NT5M: variants seen among roughly 807,000 people sequenced by gnomAD.
The protein encoded by NT5M is 5'(3')-deoxyribonucleotidase, mitochondrial.
NT5M carries 22 observed loss-of-function variants against 22.2 expected under a neutral mutation model. The observed-to-expected ratio is 0.99, with a 90% CI of 0.71 to 1.41. NT5M has a LOEUF of 1.41. Among genes scored for constraint, NT5M ranks in the 40% most tolerant of loss-of-function variants. The pLI, the probability that NT5M is intolerant of heterozygous loss-of-function variation, is 0.00. For missense variants in NT5M, 322 were observed against 314.8 expected (o/e 1.02, Z -0.17); for synonymous variants, 167 against 133.0 (o/e 1.26, Z -1.76).
At position 17,308,459 on chromosome 17, in the gene NT5M, G is replaced by A. The variant is rs566144071; in HGVS notation, c.368+1816G>A. On this transcript the variant is annotated intron_variant, in intron 2 of 4. Coordinates refer to ENST00000389022, the MANE Select transcript of NT5M (RefSeq NM_020201.4). ...ATACAAAAATTAGCTGGGCGTGGGGGCGGGTGCCTGTAATCCCAGCTACTC... is the reference window on the plus strand; with the variant it reads ...ATACAAAAATTAGCTGGGCGTGGGGACGGGTGCCTGTAATCCCAGCTACTC... Among the ~76,000 whole-genome samples, 146 of 152,164 alleles carry A rather than the reference G, an allele frequency of 9.6e-4. 1 individual carries two copies. The highest frequency in any genetic ancestry group is 3.5e-3 in the African/African-American group (145 of 41,510).
chr17:17,328,203 A>G (rs531540957), intron 3 of NT5M, among the ~76,000 whole-genome samples: 2 of 152,270 alleles, frequency 1.3e-5, no homozygotes, highest in Non-Finnish European at 2.9e-5. Context: ...GAACAAACAC[A>G]TGAAGACAGG....
In NT5M at chr17:17,303,804, G is replaced by A. The variant is rs1397823646; in HGVS notation, c.254G>A (p.Arg85Gln). Reference sequence around the variant, plus strand: ...GTGTCGGAGCAGTACGGCCGCCTGCGGCCAGGGCTGAGCGTGAGCGTCCCC... The same window carrying A: ...GTGTCGGAGCAGTACGGCCGCCTGCAGCCAGGGCTGAGCGTGAGCGTCCCC... Reference protein sequence around the residue: ...FWVSEQYGRLRPGLSEKAISI... With the variant: ...FWVSEQYGRLQPGLSEKAISI... The change falls in exon 1 of 5, where the codon CGG becomes CAG. Residue 85 changes from arginine to glutamine, a missense_variant. Physicochemically the swap from Arg to Gln is conservative, Grantham distance 43. Transcript: ENST00000389022. 5.9e-6 allele frequency: 9 copies of A among 1,521,756 alleles called. No individual in the cohort carries two copies. The South Asian group carries it at 1.1e-4, about 18-fold the overall frequency. The allele number at this position is 1,521,756 out of a possible 1,614,324, so 94.3% of individuals were successfully genotyped here. A position where few individuals can be genotyped will look rare whatever the true frequency, so the allele number is the denominator to read the frequency against.
chr17:17,303,871 G>A, intron 1 of NT5M, 54 bp downstream of exon 1: 1 of 1,328,230 alleles, frequency 7.5e-7, no homozygotes, highest in Non-Finnish European at 9.7e-7. Context: ...CCGAGCCCCA[G>A]ACACCGCCCC....
At chr17:17,322,695 G>A (rs940073144) in intron 2 of NT5M, among the ~76,000 whole-genome samples, 8 of 112,838 alleles carry the variant, frequency 7.1e-5, no homozygotes, top group East Asian at 3.2e-4. Context: ...GCATGAGGGC[G>A]CAGGCACCTG....
At chr17:17,312,834 A>G (rs887415503) in intron 2 of NT5M, among the ~76,000 whole-genome samples, 1 of 151,898 alleles carries the variant, frequency 6.6e-6, no homozygotes, top group African/African-American at 2.4e-5. Flanking sequence ...GAAGCCAGGC[A>G]TGCTGACCTG....
intron 2 of NT5M, among the ~76,000 whole-genome samples, chr17:17,307,359 C>T (rs887717242): frequency 7.9e-5 from 12 of 152,262 alleles, no homozygotes; most frequent in African/African-American, 2.9e-4. Flanking sequence ...CACGGTGGCT[C>T]ACGCCTGTAA....
At chr17:17,309,848 G>A (rs1469288517) in intron 2 of NT5M, among the ~76,000 whole-genome samples, 16 of 146,680 alleles carry the variant, frequency 1.1e-4, no homozygotes, top group East Asian at 9.9e-4. Context: ...TTTTTGAGAC[G>A]GAGTCTCACT....
chr17:17,309,282 C>A (rs1235749056), intron 2 of NT5M, among the ~76,000 whole-genome samples: 2 of 152,036 alleles, frequency 1.3e-5, no homozygotes, highest in Non-Finnish European at 2.9e-5. Context: ...CACACTACTA[C>A]ACCCAGCTAA....
intron 2 of NT5M, among the ~76,000 whole-genome samples, chr17:17,316,213 A>G (rs1381550615): frequency 1.3e-5 from 2 of 151,802 alleles, no homozygotes; most frequent in African/African-American, 4.9e-5. Context: ...GTTCGCCAAC[A>G]TGCCTGGCTA....
At chr17:17,304,787 C>T (rs1429126889) in intron 1 of NT5M, among the ~76,000 whole-genome samples, 1 of 152,162 alleles carries the variant, frequency 6.6e-6, no homozygotes, top group African/African-American at 2.4e-5. Context: ...ACAGTTAGTG[C>T]TCCCCACTCC....
intron 2 of NT5M, among the ~76,000 whole-genome samples, chr17:17,314,576 C>T (rs1214700073): frequency 6.6e-6 from 1 of 152,136 alleles, no homozygotes; most frequent in Non-Finnish European, 1.5e-5. Context: ...ATGATGTTAG[C>T]CCCACTGAAA....
In NT5M at chr17:17,347,225, A is replaced by G; in HGVS notation, c.*278A>G. ...CAAGCTGCCAGAAGCCCAGGGGCTC[A>G]GGACAGGGAGGAGTTGAGGCCACTG... On this transcript the variant is annotated 3_prime_UTR_variant, in exon 5 of 5. Transcript: ENST00000389022. 2.2e-6 allele frequency: 1 copy of G among 461,964 alleles called. No individual in the cohort carries two copies. Among genetic ancestry groups the G allele is most frequent in the Non-Finnish European group, 3.9e-6 (1 of 258,608 alleles). 28.6% of individuals were successfully genotyped at this position (461,964 alleles called of 1,614,324 possible).
At position 17,344,724 on chromosome 17, in the gene NT5M, G is replaced by T. The variant is rs1299845520; in HGVS notation, c.430-70G>T. On this transcript the variant is annotated intron_variant, in intron 3 of 4. Coordinates refer to ENST00000389022, the MANE Select transcript of NT5M (RefSeq NM_020201.4). ...GAGGTCTAGGCTGACCCCTGCCCTC[G>T]GCTCTTGGTTGGCTCCCAGGTCTGA... is the stretch of plus-strand genomic sequence containing the variant. 6 of 1,572,486 alleles carry T rather than the reference G, an allele frequency of 3.8e-6. No homozygotes were observed. The Admixed American group carries it at 1.0e-4, about 27-fold the overall frequency.
chr17:17,316,724 G>GT (rs537562722), intron 2 of NT5M, among the ~76,000 whole-genome samples: 4,283 of 124,152 alleles, frequency 0.034, 171 homozygotes, highest in African/African-American at 0.1. Flanking sequence ...TTTTGTTTTT[G>GT]TTTTTTTTTG....
At chr17:17,343,045 G>A (rs569368574) in intron 3 of NT5M, among the ~76,000 whole-genome samples, 9 of 152,180 alleles carry the variant, frequency 5.9e-5, no homozygotes, top group Non-Finnish European at 1.3e-4. Context: ...TTAGCCCCAG[G>A]CTCTTGCCCC....
chr17:17,326,430 C>T (rs2049267669), intron 3 of NT5M, among the ~76,000 whole-genome samples: 1 of 152,134 alleles, frequency 6.6e-6, no homozygotes, highest in Admixed American at 6.5e-5. Flanking sequence ...ATGTCAGGAC[C>T]CCAGTCACAG....
At chr17:17,306,894 G>T (rs1406940120) in intron 2 of NT5M, among the ~76,000 whole-genome samples, 7 of 152,226 alleles carry the variant, frequency 4.6e-5, no homozygotes, top group African/African-American at 1.4e-4. Context: ...TTCCCTGGGT[G>T]TTCAAAGCTC....
At chr17:17,319,124 G>T (rs963351704) in intron 2 of NT5M, among the ~76,000 whole-genome samples, 3 of 150,908 alleles carry the variant, frequency 2.0e-5, no homozygotes, top group Non-Finnish European at 4.4e-5. Flanking sequence ...TGAGGTAGAA[G>T]AATTGCTTGA....
At chr17:17,318,225 C>G (rs922899223) in intron 2 of NT5M, among the ~76,000 whole-genome samples, 3 of 152,026 alleles carry the variant, frequency 2.0e-5, no homozygotes, top group Non-Finnish European at 4.4e-5. Context: ...GCCTGTAATC[C>G]CAGCACTTTG....
Sources: gnomAD v4.1 joint callset for allele counts (sites outside exome capture counted in the v4.1 genomes callset) on GRCh38, gnomAD v4.1.1 for gene constraint, MANE v1.5 for transcripts, NCBI Gene and HGNC (gene_info 2026-07-23, HGNC 2026-07-21) for gene names.